The following FAM83E variants were observed in gnomAD, a reference collection of about 807,000 sequenced individuals.
The protein encoded by FAM83E is scaffolding CK1 anchoring protein E.
In FAM83E, 29 loss-of-function variants were observed where a neutral mutation model predicts 34.3. The ratio of observed to expected loss-of-function variants is 0.85; its 90% CI spans 0.63 to 1.15. The LOEUF (loss-of-function observed/expected upper bound fraction) is 1.15. FAM83E is among the 50% of genes most tolerant of loss of function. The pLI is 0.00. For synonymous variants in FAM83E, 312 were observed against 311.6 expected, an observed-to-expected ratio of 1.00 and a Z score of -0.01; for missense variants, 697 against 685.0, an observed-to-expected ratio of 1.02 and a Z score of -0.20.
At position 48,612,986 on chromosome 19, in the gene FAM83E, C is replaced by G; in HGVS notation, c.387G>C (p.Gln129His). ...CCTCTCCAGGAGGCTGGGTGTACAG[C>G]TGCGCCCGGGTGATGCCTTTCCACG... Reference protein sequence around the residue: ...DSAWKGITRAQLYTQPPGEGQ... With the variant: ...DSAWKGITRAHLYTQPPGEGQ... Residue 129 changes from glutamine to histidine, a missense_variant, in exon 3 of 7, where the codon CAG becomes CAC. Physicochemically the swap from Gln to His is conservative, Grantham distance 24 (BLOSUM62 0). Coordinates refer to ENST00000263266, the MANE Select transcript of FAM83E (RefSeq NM_017708.4). 1 of 1,603,698 alleles carries G rather than the reference C, an allele frequency of 6.2e-7. No individual in the cohort carries two copies. Among genetic ancestry groups the G allele is most frequent in the Non-Finnish European group, 8.5e-7 (1 of 1,176,218 alleles).
chr19:48,606,191 G>C (rs553806943), intron 5 of FAM83E, among the ~76,000 whole-genome samples: 5 of 152,242 alleles, frequency 3.3e-5, no homozygotes, highest in African/African-American at 1.2e-4. Flanking sequence ...TGCGCCTGCA[G>C]TCCCAGCCAC....
In FAM83E at chr19:48,603,556, GGCTGGGCCGGGCCGGGGGGCC is replaced by G; in HGVS notation, c.1093_1113del (p.Gly365_Ser371del). On this transcript the variant is annotated inframe_deletion, in exon 6 of 7. Transcript: ENST00000263266. ...AGGCGGCTTAGGTCCCACATGGAGC[GGCTGGGCCGGGCCGGGGGGCC>G]GCTGGGGGTCCGGGCGCGCTGCACA... 1.3e-6 allele frequency: 2 copies of G among 1,562,618 alleles called. No individual in the cohort carries two copies. Among genetic ancestry groups the G allele is most frequent in the Non-Finnish European group, 1.7e-6 (2 of 1,162,800 alleles).
intron 4 of FAM83E, among the ~76,000 whole-genome samples, chr19:48,610,398 CAA>C (rs71179016): frequency 1.5e-3 from 46 of 31,346 alleles, no homozygotes; most frequent in Middle Eastern, 0.023. Flanking sequence ...CACTCCGTCT[CAA>C]AAAAAAAAAA....
At chr19:48,604,382 G>A (rs1344951089) in intron 5 of FAM83E, among the ~76,000 whole-genome samples, 1 of 146,658 alleles carries the variant, frequency 6.8e-6, no homozygotes, top group Non-Finnish European at 1.5e-5. Flanking sequence ...CCAGGCTGGA[G>A]TGTAGTGGCA....
At chr19:48,611,925 T>C (rs1974048011) in intron 3 of FAM83E, among the ~76,000 whole-genome samples, 1 of 152,136 alleles carries the variant, frequency 6.6e-6, no homozygotes, top group South Asian at 2.1e-4. Context: ...TTCTGGGTGC[T>C]GGGTGCAGGA....
Position 48,613,453 on chromosome 19 carries a change from TG to T in FAM83E, c.-82del, listed in dbSNP as rs1974089218. 8.3e-6 allele frequency: 12 copies of T among 1,441,584 alleles called. No individual in the cohort carries two copies. Among genetic ancestry groups the T allele is most frequent in the African/African-American group, 5.7e-5 (4 of 70,154 alleles). The allele number at this position is 1,441,584 out of a possible 1,614,324, so 89.3% of individuals were successfully genotyped here. A position where few individuals can be genotyped will look rare whatever the true frequency, so the allele number is the denominator to read the frequency against. ...GCTGTCTCTGGGGACTGTGATCATC[TG>T]GGGGTTCTCCTGATAGGCAGACCCT... On this transcript the variant is annotated 5_prime_UTR_variant, in exon 3 of 7. The change creates a premature stop within an existing upstream ORF in the 5' untranslated region. Transcript: ENST00000263266.
At chr19:48,602,864 A>ATTTTTT (rs1447161373) in intron 6 of FAM83E, among the ~76,000 whole-genome samples, 1 of 104,908 alleles carries the variant, frequency 9.5e-6, no homozygotes, top group African/African-American at 3.3e-5. Context: ...TATTATTATT[A>ATTTTTT]TTATTTTGAG....
At position 48,610,745 on chromosome 19, in the gene FAM83E, G is replaced by A. The variant is rs773253521; in HGVS notation, c.568C>T (p.Arg190Cys). The part of the protein sequence containing the change: ...RWVPVYLLLD[R>C]QQLPAFLELA... Reference sequence around the variant, plus strand: ...TCCAGGAAGGCAGGCAGCTGCTGGCGGTCCAGGAGCAGGTAGACAGGTACC... The same window carrying A: ...TCCAGGAAGGCAGGCAGCTGCTGGCAGTCCAGGAGCAGGTAGACAGGTACC... The change falls in exon 4 of 7, where the codon CGC becomes TGC. Residue 190 changes from arginine (R) to cysteine (C), a missense_variant. Physicochemically the swap from Arg to Cys is radical, Grantham distance 180 (BLOSUM62 -3). Coordinates refer to ENST00000263266, the MANE Select transcript of FAM83E (RefSeq NM_017708.4). 1.3e-5 allele frequency: 20 copies of A among 1,587,170 alleles called. No individual in the cohort carries two copies. Among genetic ancestry groups the A allele is most frequent in the South Asian group, 4.6e-5 (4 of 87,156 alleles).
chr19:48,603,016 G>A (rs1035081774), intron 6 of FAM83E, among the ~76,000 whole-genome samples: 5 of 151,040 alleles, frequency 3.3e-5, no homozygotes, highest in African/African-American at 9.7e-5. Flanking sequence ...CACACCCAGC[G>A]AATTTTTTTG....
At chr19:48,608,881 C>T (rs1009721256) in intron 5 of FAM83E, among the ~76,000 whole-genome samples, 45 of 152,002 alleles carry the variant, frequency 3.0e-4, no homozygotes, top group African/African-American at 8.9e-4. Context: ...GAGAGGTTTT[C>T]GGTTCTCTAA....
At position 48,601,248 on chromosome 19, in the gene FAM83E, A is replaced by G. The variant is rs551055403; in HGVS notation, c.1298T>C (p.Leu433Pro). The G allele has an allele frequency of 1.0e-5, 16 of 1,604,094 alleles. No homozygotes were observed. Among genetic ancestry groups the G allele is most frequent in the African/African-American group, 8.0e-5 (6 of 74,828 alleles). ...SRPPWGGALP[L>P]PPAHRLRYLS... ...ATAGCGGAGGCGGTGGGCGGGGGGC[A>G]GGGGCAGGGCACCGCCCCACGGAGG... Residue 433 changes from leucine (L) to proline (P), a missense_variant, in exon 7 of 7, where the codon CTG becomes CCG. Coordinates refer to ENST00000263266, the MANE Select transcript of FAM83E (RefSeq NM_017708.4).
At chr19:48,603,994 G>A in intron 5 of FAM83E, 83 bp from the exon 6 acceptor site, 1 of 1,409,656 alleles carries the variant, frequency 7.1e-7, no homozygotes, top group Non-Finnish European at 9.6e-7. Context: ...TCCCAGGGGA[G>A]ACCGTAGGAC....
At chr19:48,605,442 G>GT (rs1973911122) in intron 5 of FAM83E, among the ~76,000 whole-genome samples, 1 of 152,168 alleles carries the variant, frequency 6.6e-6, no homozygotes, top group South Asian at 2.1e-4. Context: ...GGGCATGGTG[G>GT]TGCACGCCTA....
At chr19:48,610,957 G>C in intron 3 of FAM83E, 110 bp from the exon 4 acceptor site, 1 of 1,155,400 alleles carries the variant, frequency 8.7e-7, no homozygotes, top group African/African-American at 1.5e-5. Context: ...GTGCTCTGGG[G>C]GCTGGGAGTT....
intron 5 of FAM83E, 60 bp downstream of exon 5, chr19:48,609,816 A>G: frequency 6.4e-7 from 1 of 1,564,128 alleles, no homozygotes; most frequent in South Asian, 1.1e-5. Flanking sequence ...TTCTCTGAGC[A>G]CACTGAGGGA....
In FAM83E at chr19:48,613,290, G is replaced by A; in HGVS notation, c.83C>T (p.Ser28Phe). The A allele has an allele frequency of 6.2e-7, 1 of 1,608,184 alleles. No homozygotes were observed. The highest frequency in any genetic ancestry group is 1.1e-5 in the South Asian group (1 of 90,782). Residue 28 changes from serine (S) to phenylalanine (F), a missense_variant, in exon 3 of 7, where the codon TCC becomes TTC. By Grantham distance (155) the Ser-to-Phe change is radical. Transcript: ENST00000263266. Reference sequence around the variant, plus strand: ...CTCCAGTGCCAGCCGCTGGCCCTCGGAATATAGAAAGCCGGGGCTGGCCCC... The same window carrying A: ...CTCCAGTGCCAGCCGCTGGCCCTCGAAATATAGAAAGCCGGGGCTGGCCCC... ...VPGASPGFLY[S>F]EGQRLALEAL...
chr19:48,611,824 C>T (rs1213955786), intron 3 of FAM83E, among the ~76,000 whole-genome samples: 1 of 152,174 alleles, frequency 6.6e-6, no homozygotes, highest in African/African-American at 2.4e-5. Flanking sequence ...CACTGCGGTA[C>T]CCAAATGTCC....
intron 6 of FAM83E, among the ~76,000 whole-genome samples, chr19:48,602,700 AAAAAATATATATATATATATATATATAT>A (rs938503810): frequency 4.5e-5 from 2 of 43,960 alleles, no homozygotes; most frequent in Non-Finnish European, 8.4e-5. Flanking sequence ...AAAAAAAAAA[AAAAAATATATATATATATATATATATAT>A]ATATATATAT....
At position 48,610,763 on chromosome 19, in the gene FAM83E, C is replaced by T; in HGVS notation, c.550G>A (p.Val184Ile). ...VDAATRRWVP[V>I]YLLLDRQQLP... ...TGCTGGCGGTCCAGGAGCAGGTAGA[C>T]AGGTACCCAGCGGCGCGTGGCAGCA... The change falls in exon 4 of 7, where the codon GTC (valine) becomes ATC (isoleucine). Residue 184 changes from valine to isoleucine, a missense_variant. Physicochemically the swap from Val to Ile is conservative, Grantham distance 29. Transcript: ENST00000263266. 1 of 1,588,316 alleles carries T rather than the reference C, an allele frequency of 6.3e-7. No individual in the cohort carries two copies. Among genetic ancestry groups the T allele is most frequent in the Non-Finnish European group, 8.6e-7 (1 of 1,167,530 alleles).
Sources: gnomAD v4.1 joint callset for allele counts (sites outside exome capture counted in the v4.1 genomes callset) on GRCh38, gnomAD v4.1.1 for gene constraint, MANE v1.5 for transcripts, NCBI Gene and HGNC (gene_info 2026-07-23, HGNC 2026-07-21) for gene names.